KCTD16: variants seen among roughly 807,000 people sequenced by gnomAD.
The protein encoded by KCTD16 is BTB/POZ domain-containing protein KCTD16.
A neutral mutation model predicts 33.2 loss-of-function variants in KCTD16; 13 were observed. The ratio of observed to expected loss-of-function variants is 0.39; its 90% CI spans 0.25 to 0.62. The LOEUF is 0.62. Ranked by LOEUF, KCTD16 falls within the 20% of genes least tolerant of loss-of-function variation. The pLI, the probability that KCTD16 is intolerant of heterozygous loss-of-function variation, is 0.50. For missense variants in KCTD16, 441 were observed against 525.1 expected (o/e 0.84, Z 1.57); for synonymous variants, 197 against 195.3 (o/e 1.01, Z -0.07).
rs900304736 is a variant in KCTD16, at chr5:144,339,762, G to A, written c.832+132216G>A. Among the ~76,000 whole-genome samples, 13 of 151,892 alleles carry A rather than the reference G, an allele frequency of 8.6e-5. 1 individual carries two copies. The highest frequency in any genetic ancestry group is 4.4e-5 in the Non-Finnish European group (3 of 67,994). The stretch of plus-strand genomic sequence containing the variant: ...CTTTTCTTTCCTTCCACAAATATTT[G>A]TTGTATGAATGTCTATATGAAATAC... On this transcript the variant is annotated intron_variant, in intron 3 of 3. Coordinates refer to ENST00000512467, the MANE Select transcript of KCTD16 (RefSeq NM_020768.4).
Position 144,230,453 on chromosome 5 carries a change from A to C in KCTD16, c.832+22907A>C, listed in dbSNP as rs551797229. ...GGCATGCTGAAAGGTGTGAATCCTC[A>C]GCCTTAAGTGGATATCATTGGATTT... On this transcript the variant is annotated intron_variant, in intron 3 of 3. Coordinates refer to ENST00000512467, the MANE Select transcript of KCTD16 (RefSeq NM_020768.4). 7.2e-5 allele frequency among the ~76,000 whole-genome samples: 11 copies of C among 152,352 alleles called. No homozygotes were observed. The East Asian group carries it at 1.9e-3, about 27-fold the overall frequency.
At chr5:144,207,650 T>A (rs1282952742) in intron 3 of KCTD16, 104 bp downstream of exon 3, 1 of 856,288 alleles carries the variant, frequency 1.2e-6, no homozygotes. Context: ...GGTTTGGAAT[T>A]CTTTTTAACT....
intron 3 of KCTD16, among the ~76,000 whole-genome samples, chr5:144,400,470 A>G (rs1288272738): frequency 6.6e-6 from 1 of 152,182 alleles, no homozygotes; most frequent in Non-Finnish European, 1.5e-5. Flanking sequence ...GCAACACATC[A>G]ACATTTATTT....
At chr5:144,271,106 A>T (rs1470661770) in intron 3 of KCTD16, among the ~76,000 whole-genome samples, 1 of 152,082 alleles carries the variant, frequency 6.6e-6, no homozygotes, top group Non-Finnish European at 1.5e-5. Context: ...AACAAACGCC[A>T]GTTCTTCTCA....
intron 3 of KCTD16, among the ~76,000 whole-genome samples, chr5:144,304,068 C>T (rs533326689): frequency 3.9e-5 from 6 of 151,968 alleles, no homozygotes; most frequent in African/African-American, 1.4e-4. Flanking sequence ...CATTTTCTGG[C>T]TCTACAAAAA....
intron 3 of KCTD16, among the ~76,000 whole-genome samples, chr5:144,281,160 C>T (rs551469338): frequency 1.3e-5 from 2 of 152,160 alleles, no homozygotes; most frequent in African/African-American, 4.8e-5. Flanking sequence ...CCAGCCTAGG[C>T]GACAGACCGA....
chr5:144,259,192 A>G (rs1208374126), intron 3 of KCTD16, among the ~76,000 whole-genome samples: 1 of 135,034 alleles, frequency 7.4e-6, no homozygotes. Flanking sequence ...CGAGAGGCGG[A>G]GCTTGCAGTT....
intron 3 of KCTD16, among the ~76,000 whole-genome samples, chr5:144,396,413 C>T (rs1017782117): frequency 1.3e-5 from 2 of 152,154 alleles, no homozygotes; most frequent in Admixed American, 1.3e-4. Context: ...CTCATTTTGC[C>T]TTAGGTCAAA....
intron 3 of KCTD16, among the ~76,000 whole-genome samples, chr5:144,298,117 C>T (rs758875261): frequency 2.0e-5 from 3 of 152,162 alleles, no homozygotes; most frequent in South Asian, 2.1e-4. Flanking sequence ...TCGAGCTGAA[C>T]ACTAGTCACT....
At chr5:144,373,087 A>G (rs932562366) in intron 3 of KCTD16, among the ~76,000 whole-genome samples, 1 of 152,168 alleles carries the variant, frequency 6.6e-6, no homozygotes. Context: ...GGATGTCAAG[A>G]GTTAAAAACA....
rs1754603884 is a variant in KCTD16, at chr5:144,476,763, ATGAGTTCTGGG to A, written c.*2651_*2661del. The A allele has an allele frequency of 1.3e-5, 2 of 152,160 alleles. No homozygotes were observed. Among genetic ancestry groups the A allele is most frequent in the South Asian group, 4.1e-4 (2 of 4,828 alleles). 9.4% of individuals were successfully genotyped at this position (152,160 alleles called of 1,614,324 possible). On this transcript the variant is annotated 3_prime_UTR_variant, in exon 4 of 4. Coordinates refer to ENST00000512467, the MANE Select transcript of KCTD16 (RefSeq NM_020768.4). ...GTCCAGGTAGCCTGCAACACTGGAA[ATGAGTTCTGGG>A]TAAGTGAGTTATAAGAGTACATGCT... is the stretch of plus-strand genomic sequence containing the variant.
intron 3 of KCTD16, among the ~76,000 whole-genome samples, chr5:144,360,066 T>C (rs6895475): frequency 0.012 from 1,896 of 152,294 alleles, 31 homozygotes; most frequent in African/African-American, 0.043. Flanking sequence ...TGTGTAAATG[T>C]GAACAGATAA....
chr5:144,364,282 T>C (rs1751783227), intron 3 of KCTD16, among the ~76,000 whole-genome samples: 1 of 152,174 alleles, frequency 6.6e-6, no homozygotes, highest in South Asian at 2.1e-4. Context: ...CAATTGCTGA[T>C]GTTCCACTGG....
chr5:144,324,947 C>G (rs1200078685), intron 3 of KCTD16, among the ~76,000 whole-genome samples: 1 of 152,094 alleles, frequency 6.6e-6, no homozygotes. Context: ...GGAGGGAGAG[C>G]ATCAGAAAAA....
chr5:144,419,576 G>C (rs1753162723), intron 3 of KCTD16, among the ~76,000 whole-genome samples: 1 of 152,120 alleles, frequency 6.6e-6, no homozygotes, highest in South Asian at 2.1e-4. Flanking sequence ...AATCATGAAG[G>C]CTGGGGTAAA....
At chr5:144,222,998 T>C (rs1753809286) in intron 3 of KCTD16, among the ~76,000 whole-genome samples, 1 of 152,124 alleles carries the variant, frequency 6.6e-6, no homozygotes, top group Admixed American at 6.5e-5. Flanking sequence ...TGTAGGGACA[T>C]GGATGAAGCT....
At chr5:144,345,677 A>G (rs1752778576) in intron 3 of KCTD16, among the ~76,000 whole-genome samples, 1 of 152,144 alleles carries the variant, frequency 6.6e-6, no homozygotes, top group Admixed American at 6.6e-5. Flanking sequence ...ATTCTAGATT[A>G]GTGCTGTCCC....
At position 144,273,677 on chromosome 5, in the gene KCTD16, A is replaced by G. The variant is rs1463177378; in HGVS notation, c.832+66131A>G. Among the ~76,000 whole-genome samples the G allele has an allele frequency of 3.3e-5, 5 of 152,028 alleles. 1 individual carries two copies. Among genetic ancestry groups the G allele is most frequent in the Admixed American group, 2.6e-4 (4 of 15,260 alleles). On this transcript the variant is annotated intron_variant, in intron 3 of 3. Coordinates refer to ENST00000512467, the MANE Select transcript of KCTD16 (RefSeq NM_020768.4). ...CTAAGTAAAATAAGCTAGTCACAAA[A>G]AGACAAATACTTTATGGTGATTTCA... is the stretch of plus-strand genomic sequence containing the variant.
At chr5:144,418,272 C>G (rs145918161) in intron 3 of KCTD16, among the ~76,000 whole-genome samples, 2 of 152,124 alleles carry the variant, frequency 1.3e-5, no homozygotes, top group Non-Finnish European at 2.9e-5. Context: ...GGAAGGAGAC[C>G]GAGTGGGTTG....
Sources: gnomAD v4.1 joint callset for allele counts (sites outside exome capture counted in the v4.1 genomes callset) on GRCh38, gnomAD v4.1.1 for gene constraint, MANE v1.5 for transcripts, NCBI Gene and HGNC (gene_info 2026-07-23, HGNC 2026-07-21) for gene names.